SPATA6L: variants seen among roughly 807,000 people sequenced by gnomAD.
SPATA6L encodes the protein spermatogenesis associated 6 like.
Under a neutral mutation model 49.2 loss-of-function variants are expected in SPATA6L, and 68 were observed. The ratio of observed to expected loss-of-function variants is 1.38; its 90% confidence interval spans 1.14 to 1.69. SPATA6L has a LOEUF of 1.69. Ranked by LOEUF, SPATA6L falls within the 40% of genes most tolerant of loss-of-function variation. The pLI, the probability that SPATA6L is intolerant of heterozygous loss-of-function variation, is 0.00. For missense variants in SPATA6L, 668 were observed against 464.3 expected, an observed-to-expected ratio of 1.44 and a Z score of -4.03; for synonymous variants, 198 against 165.7, an observed-to-expected ratio of 1.19 and a Z score of -1.50.
At chr9:4,625,599 AT>A (rs1299524022) in intron 5 of SPATA6L, 33 bp from the exon 6 acceptor site, 5 of 1,411,304 alleles carry the variant, frequency 3.5e-6, no homozygotes, top group Non-Finnish European at 3.8e-6. Flanking sequence ...ATTTTTTAAA[AT>A]AAAGAAAGAA....
At chr9:4,620,088 A>G (rs1464871644) in intron 7 of SPATA6L, among the ~76,000 whole-genome samples, 3 of 152,056 alleles carry the variant, frequency 2.0e-5, no homozygotes, top group African/African-American at 7.2e-5. Flanking sequence ...GGGCATATAC[A>G]TATGTGTGTG....
At chr9:4,590,094 T>C (rs1821808453) in intron 13 of SPATA6L, among the ~76,000 whole-genome samples, 1 of 150,706 alleles carries the variant, frequency 6.6e-6, no homozygotes. Flanking sequence ...CAGCTAATTT[T>C]TGTATTTTTG....
chr9:4,662,595 G>T lies in SPATA6L; in HGVS notation c.40-559C>A, dbSNP rs1840101201. On this transcript the variant is annotated intron_variant, in intron 1 of 11. Coordinates refer to ENST00000682582, the MANE Select transcript of SPATA6L (RefSeq NM_001353486.2). The surrounding 1 kb of genome is among the most constrained non-coding windows in gnomAD (Gnocchi z 4.9). ...TCACCGCCGCGGCTCCTTCCCCCTG[G>T]CCGCGGCGGGCCCCTCGCAGTCGCC... 7 of 1,591,126 alleles carry T rather than the reference G, an allele frequency of 4.4e-6. No homozygotes were observed. Among genetic ancestry groups the T allele is most frequent in the Non-Finnish European group, 5.9e-6 (7 of 1,176,512 alleles).
At position 4,605,455 on chromosome 9, in the gene SPATA6L, G is replaced by T. The variant is rs781756118; in HGVS notation, c.996-15C>A. 1.9e-6 allele frequency: 3 copies of T among 1,589,052 alleles called. No individual in the cohort carries two copies. Among genetic ancestry groups the T allele is most frequent in the African/African-American group, 1.3e-5 (1 of 74,612 alleles). On this transcript the variant is annotated splice_polypyrimidine_tract_variant and intron_variant, in intron 9 of 11. Coordinates refer to ENST00000682582, the MANE Select transcript of SPATA6L (RefSeq NM_001353486.2). Reference sequence around the variant, plus strand: ...CAGGATGGAACCTGCTCAACAGATGGAACAGGGTGGAATATTAAGCAGCTA... The same window carrying T: ...CAGGATGGAACCTGCTCAACAGATGTAACAGGGTGGAATATTAAGCAGCTA...
At chr9:4,616,616 G>A (rs565651536) in intron 9 of SPATA6L, among the ~76,000 whole-genome samples, 18 of 152,238 alleles carry the variant, frequency 1.2e-4, no homozygotes, top group African/African-American at 3.6e-4. Flanking sequence ...ACGGAATTGC[G>A]CTCTTGTTGC....
intron 3 of SPATA6L, among the ~76,000 whole-genome samples, chr9:4,649,209 A>C (rs1313708475): frequency 6.6e-6 from 1 of 152,152 alleles, no homozygotes; most frequent in African/African-American, 2.4e-5. Context: ...TTTTTCATAA[A>C]ATGACCTCTT....
rs1554619515 is a variant in SPATA6L, at chr9:4,666,281, GAGA to G, written c.-34_-32del. The stretch of plus-strand genomic sequence containing the variant: ...CCTGCGTGGGCGAAAGGACTGGAAT[GAGA>G]AGATCCTTTTGTGCCGAGCCTTGGA... On this transcript the variant is annotated 5_prime_UTR_variant, in exon 1 of 12. Coordinates refer to ENST00000682582, the MANE Select transcript of SPATA6L (RefSeq NM_001353486.2). The G allele has an allele frequency of 6.2e-7, 1 of 1,613,604 alleles. No individual in the cohort carries two copies. The highest frequency in any genetic ancestry group is 8.5e-7 in the Non-Finnish European group (1 of 1,179,552).
intron 6 of SPATA6L, among the ~76,000 whole-genome samples, chr9:4,623,890 G>C (rs1829855279): frequency 1.3e-5 from 2 of 152,206 alleles, no homozygotes; most frequent in African/African-American, 4.8e-5. Context: ...CATGTTTAAA[G>C]ATTGGTTGTT....
intron 7 of SPATA6L, among the ~76,000 whole-genome samples, chr9:4,621,117 A>T (rs1406914143): frequency 6.6e-6 from 1 of 152,202 alleles, no homozygotes; most frequent in Non-Finnish European, 1.5e-5. Context: ...AACAGATAGA[A>T]AGTCCAGTAC....
At chr9:4,605,018 A>C (rs562284444) in intron 10 of SPATA6L, among the ~76,000 whole-genome samples, 1 of 152,240 alleles carries the variant, frequency 6.6e-6, no homozygotes, top group Non-Finnish European at 1.5e-5. Context: ...AGGGGAAAGG[A>C]ATGCTCTGTG....
chr9:4,638,235 G>A (rs533543294), intron 3 of SPATA6L, among the ~76,000 whole-genome samples: 24 of 152,210 alleles, frequency 1.6e-4, no homozygotes, highest in Non-Finnish European at 3.1e-4. Flanking sequence ...TTTTGAGACG[G>A]AGTCTCGCTC....
intron 7 of SPATA6L, 78 bp downstream of exon 7, chr9:4,622,330 C>T (rs960480644): frequency 4.0e-5 from 34 of 854,528 alleles, no homozygotes; most frequent in Non-Finnish European, 5.8e-5. Flanking sequence ...ACCTGTGATT[C>T]CTCAGAATGA....
At chr9:4,618,998 A>C (rs1326398491) in intron 7 of SPATA6L, 100 bp from the exon 8 acceptor site, 3 of 1,061,878 alleles carry the variant, frequency 2.8e-6, no homozygotes, top group South Asian at 1.5e-5. Context: ...AATTTTAGAC[A>C]ATGAATTAAT....
intron 7 of SPATA6L, among the ~76,000 whole-genome samples, chr9:4,619,615 T>C (rs1254346493): frequency 6.6e-6 from 1 of 152,160 alleles, no homozygotes; most frequent in Non-Finnish European, 1.5e-5. Flanking sequence ...ATTTATAAAC[T>C]CTGTCTCCTC....
intron 9 of SPATA6L, among the ~76,000 whole-genome samples, chr9:4,615,554 TCTAAC>T (rs1827784421): frequency 6.6e-6 from 1 of 152,200 alleles, no homozygotes; most frequent in African/African-American, 2.4e-5. Flanking sequence ...GCATAAACCA[TCTAAC>T]ACATATTTAA....
intron 5 of SPATA6L, chr9:4,626,470 G>A (rs1009981269): frequency 6.1e-6 from 8 of 1,304,310 alleles, no homozygotes; most frequent in Admixed American, 4.6e-5. Flanking sequence ...CCCTTCTCCA[G>A]AGGTCTGGGT....
Position 4,662,747 on chromosome 9 carries a change from C to T in SPATA6L, c.40-711G>A, listed in dbSNP as rs1301978953. The T allele has an allele frequency of 6.2e-7, 1 of 1,603,696 alleles. No individual in the cohort carries two copies. Among genetic ancestry groups the T allele is most frequent in the Non-Finnish European group, 8.5e-7 (1 of 1,179,928 alleles). The stretch of plus-strand genomic sequence containing the variant: ...AGCTGGGGGTGTGCGCGGGAGAGAG[C>T]TCGTCGTGGGGCAGCGTGCGACCCC... On this transcript the variant is annotated intron_variant, in intron 1 of 11. Transcript: ENST00000682582. This position sits in a 1 kb window ranked among gnomAD's most constrained non-coding sequence, Gnocchi z 4.9.
At chr9:4,628,885 T>C (rs1213360096) in intron 5 of SPATA6L, 9 of 488,702 alleles carry the variant, frequency 1.8e-5, no homozygotes, top group East Asian at 3.7e-5. Context: ...TACATCATGC[T>C]GCCAAACGTA....
Position 4,635,208 on chromosome 9 carries a change from G to C in SPATA6L, c.351+67C>G, listed in dbSNP as rs1181822896. The C allele has an allele frequency of 8.4e-6, 12 of 1,435,174 alleles. No individual in the cohort carries two copies. In the East Asian group the frequency reaches 1.6e-4, roughly 20 times the overall value. The allele number at this position is 1,435,174 out of a possible 1,614,324, so 88.9% of individuals were successfully genotyped here. A position where few individuals can be genotyped will look rare whatever the true frequency, so the allele number is the denominator to read the frequency against. ...CAAGATAAAGATCAAACCCTGTCAGGAATAAAACGTTCAGGTCCCAAGAGT... is the reference window on the plus strand; with the variant it reads ...CAAGATAAAGATCAAACCCTGTCAGCAATAAAACGTTCAGGTCCCAAGAGT... On this transcript the variant is annotated intron_variant, in intron 4 of 11. Coordinates refer to ENST00000682582, the MANE Select transcript of SPATA6L (RefSeq NM_001353486.2).
Sources: allele counts gnomAD v4.1 joint callset (sites outside exome capture counted in the v4.1 genomes callset), GRCh38; gene constraint gnomAD v4.1.1; non-coding constraint Gnocchi (gnomAD v3.1); transcripts MANE v1.5; gene names NCBI Gene and HGNC (gene_info 2026-07-23, HGNC 2026-07-21).